CNIH3: variants seen among roughly 807,000 people sequenced by gnomAD.
CNIH3 encodes cornichon family AMPA receptor auxiliary protein 3.
CNIH3 carries 14 observed loss-of-function variants against 24.1 expected under a neutral mutation model. The observed-to-expected ratio is 0.58, with a 90% CI of 0.38 to 0.91. The LOEUF (loss-of-function observed/expected upper bound fraction) is 0.91. Ranked by LOEUF, CNIH3 falls within the 40% of genes least tolerant of loss-of-function variation. CNIH3 has a pLI of 0.00. For missense variants in CNIH3, 178 were observed against 196.8 expected, an observed-to-expected ratio of 0.90 and a Z score of 0.57; for synonymous variants, 68 against 73.8, an observed-to-expected ratio of 0.92 and a Z score of 0.40.
At chr1:224,573,293 T>C (rs924068024) in intron 4 of CNIH3, among the ~76,000 whole-genome samples, 1 of 152,230 alleles carries the variant, frequency 6.6e-6, no homozygotes, top group Non-Finnish European at 1.5e-5. Flanking sequence ...TCCTTTTCTC[T>C]TAGTTACTAC....
intron 4 of CNIH3, among the ~76,000 whole-genome samples, chr1:224,579,045 G>A (rs1681155281): frequency 6.7e-6 from 1 of 150,308 alleles, no homozygotes; most frequent in African/African-American, 2.4e-5. Context: ...TGGACCTCCT[G>A]AACTGATCAT....
chr1:224,631,374 G>C (rs948971434), intron 1 of CNIH3, among the ~76,000 whole-genome samples: 8 of 152,132 alleles, frequency 5.3e-5, no homozygotes, highest in African/African-American at 1.7e-4. Context: ...TTTGAACTCA[G>C]CTCCCACCAC....
At chr1:224,579,605 C>A (rs917157577) in intron 4 of CNIH3, among the ~76,000 whole-genome samples, 2 of 152,124 alleles carry the variant, frequency 1.3e-5, no homozygotes, top group Admixed American at 1.3e-4. Flanking sequence ...GAAATTTGAT[C>A]ACCAGTGCTG....
At chr1:224,525,738 A>G (rs1383516320) in intron 2 of CNIH3, among the ~76,000 whole-genome samples, 2 of 152,184 alleles carry the variant, frequency 1.3e-5, no homozygotes, top group African/African-American at 4.8e-5. Context: ...TAGGTGAAAC[A>G]GTGAGATTAG....
Position 224,616,464 on chromosome 1 carries a change from C to T in CNIH3, c.-711C>T. The T allele has an allele frequency of 1.0e-6, 1 of 988,280 alleles. No homozygotes were observed. The highest frequency in any genetic ancestry group is 1.7e-5 in the African/African-American group (1 of 57,390). The allele number at this position is 988,280 out of a possible 1,614,324, so 61.2% of individuals were successfully genotyped here. ...CCAGTGCTCGCCCCGGTCCGACCCC[C>T]GGTTTCCGGGACACTTGGGTTGCGG... On this transcript the variant is annotated 5_prime_UTR_variant, in exon 1 of 6. Coordinates refer to ENST00000272133, the MANE Select transcript of CNIH3 (RefSeq NM_152495.2).
chr1:224,466,940 G>C lies in CNIH3; in HGVS notation n.203+32078G>C, dbSNP rs563526750. On this transcript the variant is annotated intron_variant and non_coding_transcript_variant, in intron 1 of 5. Coordinates refer to the CNIH3 transcript ENST00000471578. ...TAATTATATTGTTTGCTTTTCTACT[G>C]TTGAGTTTTGGAAATTCTTTATATT... Among the ~76,000 whole-genome samples, 457 of 152,242 alleles carry C rather than the reference G, an allele frequency of 3.0e-3. 2 individuals are homozygous for C. The highest frequency in any genetic ancestry group is 5.5e-3 in the Non-Finnish European group (375 of 68,014).
intron 1 of CNIH3, among the ~76,000 whole-genome samples, chr1:224,652,227 G>A (rs1684891091): frequency 6.6e-6 from 1 of 152,052 alleles, no homozygotes; most frequent in African/African-American, 2.4e-5. Context: ...TCTGGCCAGA[G>A]GCATGACCAG....
At chr1:224,595,419 T>A (rs1487439125) in intron 3 of CNIH3, among the ~76,000 whole-genome samples, 1 of 152,200 alleles carries the variant, frequency 6.6e-6, no homozygotes, top group Non-Finnish European at 1.5e-5. Context: ...GATGGCAAAG[T>A]TGATCAATAA....
At chr1:224,611,175 C>T (rs1297008426) in intron 3 of CNIH3, among the ~76,000 whole-genome samples, 1 of 152,132 alleles carries the variant, frequency 6.6e-6, no homozygotes, top group Non-Finnish European at 1.5e-5. Context: ...TACTCTTCCC[C>T]AAAAGTTATG....
At chr1:224,652,699 A>G (rs1285124419) in intron 1 of CNIH3, among the ~76,000 whole-genome samples, 2 of 152,230 alleles carry the variant, frequency 1.3e-5, no homozygotes, top group Admixed American at 1.3e-4. Context: ...CAGGAAGGAC[A>G]GCAAGGGGGC....
intron 2 of CNIH3, among the ~76,000 whole-genome samples, chr1:224,536,510 C>T (rs12142925): frequency 0.084 from 12,729 of 151,902 alleles, 731 homozygotes; most frequent in South Asian, 0.21. Flanking sequence ...GGGCTGGTCT[C>T]GAACTCCCGA....
At chr1:224,611,838 C>T (rs943628842), upstream of CNIH3, among the ~76,000 whole-genome samples, 17 of 152,230 alleles carry the variant, frequency 1.1e-4, no homozygotes, top group East Asian at 1.9e-3. Flanking sequence ...AAGGAATTAC[C>T]GCCTCACCAA....
chr1:224,491,156 T>A (rs897608887), intron 1 of CNIH3, among the ~76,000 whole-genome samples: 1 of 152,222 alleles, frequency 6.6e-6, no homozygotes, highest in Admixed American at 6.5e-5. Flanking sequence ...TTTAGTTTGC[T>A]TTAACAGGCC....
At chr1:224,601,371 CTG>C (rs1039215104) in intron 3 of CNIH3, among the ~76,000 whole-genome samples, 1 of 152,170 alleles carries the variant, frequency 6.6e-6, no homozygotes, top group African/African-American at 2.4e-5. Flanking sequence ...GGGAGGAACA[CTG>C]TATACCAGTG....
At chr1:224,627,945 G>A (rs919111088) in intron 1 of CNIH3, among the ~76,000 whole-genome samples, 2 of 152,158 alleles carry the variant, frequency 1.3e-5, no homozygotes, top group Non-Finnish European at 2.9e-5. Context: ...TACTCCAGCC[G>A]AAGGATTGAT....
chr1:224,615,395 G>T (rs542101644), upstream of CNIH3: 1 of 152,322 alleles, frequency 6.6e-6, no homozygotes, highest in South Asian at 2.1e-4. Flanking sequence ...CTCTTGCAAA[G>T]CAAGCATGGT....
At chr1:224,634,654 A>G (rs74146206) in intron 1 of CNIH3, among the ~76,000 whole-genome samples, 1,582 of 152,146 alleles carry the variant, frequency 0.01, 23 homozygotes, top group African/African-American at 0.036. Flanking sequence ...TAGAGGATAA[A>G]TGGTAAAGTG....
chr1:224,622,713 T>G (rs1285453922), intron 1 of CNIH3, among the ~76,000 whole-genome samples: 2 of 152,254 alleles, frequency 1.3e-5, no homozygotes, highest in Non-Finnish European at 2.9e-5. Flanking sequence ...TTAAAGGCAG[T>G]GAATGTTGTG....
chr1:224,699,005 G>A (rs775774680), intron 3 of CNIH3, among the ~76,000 whole-genome samples: 18 of 130,452 alleles, frequency 1.4e-4, no homozygotes, highest in Non-Finnish European at 2.4e-4. Flanking sequence ...TAAGTGCAGG[G>A]TCTGGATTCA....
Sources: allele counts gnomAD v4.1 joint callset (sites outside exome capture counted in the v4.1 genomes callset), GRCh38; gene constraint gnomAD v4.1.1; transcripts MANE v1.5; gene names NCBI Gene and HGNC (gene_info 2026-07-23, HGNC 2026-07-21).